The following PCDH15 variants were observed in gnomAD, a reference collection of about 807,000 sequenced individuals.
PCDH15 encodes the protein protocadherin-15.
A neutral mutation model predicts 178.5 loss-of-function variants in PCDH15; 129 were observed. The observed-to-expected ratio is 0.72, with a 90% confidence interval of 0.63 to 0.84. The LOEUF is 0.84. Among genes scored for constraint, PCDH15 ranks in the 40% least tolerant of loss-of-function variants. PCDH15 has a pLI of 0.00. For synonymous variants in PCDH15, 800 were observed against 732.0 expected (o/e 1.09, Z -1.50); for missense variants, 2,230 against 2,099.9 (o/e 1.06, Z -1.21).
At chr10:54,128,273 C>T (rs1192234289) in intron 15 of PCDH15, among the ~76,000 whole-genome samples, 3 of 152,108 alleles carry the variant, frequency 2.0e-5, no homozygotes, top group South Asian at 4.1e-4. Context: ...ATGCATACCT[C>T]TCTTCTTCAC....
intron 2 of PCDH15, among the ~76,000 whole-genome samples, chr10:55,083,137 T>TG (rs1353512546): frequency 4.6e-5 from 7 of 151,176 alleles, no homozygotes; most frequent in Non-Finnish European, 1.0e-4. Flanking sequence ...TGAATATTGA[T>TG]GAAAAAATTT....
At chr10:54,465,503 T>C (rs2077458739) in intron 3 of PCDH15, among the ~76,000 whole-genome samples, 1 of 152,090 alleles carries the variant, frequency 6.6e-6, no homozygotes, top group African/African-American at 2.4e-5. Context: ...TAATTGTTTC[T>C]GTGCCTGATT....
Position 54,241,732 on chromosome 10 carries a change from CCTGT to C in PCDH15, c.877-4805_877-4802del, listed in dbSNP as rs1443220211. ...TGTTTGAACTGTCAGAGCTACATTC[CCTGT>C]CTTAGTCATGGGGACACATAAGTAA... On this transcript the variant is annotated intron_variant, in intron 8 of 37. Transcript: ENST00000644397. 2.0e-5 allele frequency among the ~76,000 whole-genome samples: 3 copies of C among 152,042 alleles called. No homozygotes were observed. In the South Asian group the frequency reaches 6.2e-4, roughly 32 times the overall value.
chr10:54,812,871 C>G (rs1006859913), intron 3 of PCDH15, among the ~76,000 whole-genome samples: 1 of 152,158 alleles, frequency 6.6e-6, no homozygotes, highest in South Asian at 2.1e-4. Flanking sequence ...AGTGCTTCCT[C>G]TCTTTAAATA....
At chr10:55,446,982 G>C (rs929270359) in intron 2 of PCDH15, among the ~76,000 whole-genome samples, 1 of 151,982 alleles carries the variant, frequency 6.6e-6, no homozygotes, top group South Asian at 2.1e-4. Context: ...CAGAAATACA[G>C]AGAGACAGAT....
intron 2 of PCDH15, among the ~76,000 whole-genome samples, chr10:55,030,120 A>G (rs145604164): frequency 2.0e-5 from 3 of 152,204 alleles, no homozygotes; most frequent in East Asian, 1.9e-4. Context: ...TTTTGGACAC[A>G]TAGAAATTAA....
intron 3 of PCDH15, among the ~76,000 whole-genome samples, chr10:54,491,320 GAAAGA>G (rs1384085605): frequency 2.6e-5 from 3 of 115,984 alleles, no homozygotes; most frequent in Non-Finnish European, 5.5e-5. Context: ...AAAAAAAAAA[GAAAGA>G]AAAGTTAAAA....
At chr10:55,094,926 A>ATTTT in intron 2 of PCDH15, among the ~76,000 whole-genome samples, 1 of 129,238 alleles carries the variant, frequency 7.7e-6, no homozygotes, top group East Asian at 2.4e-4. Context: ...CTATATCCAA[A>ATTTT]TTCTTTTTTT....
intron 8 of PCDH15, among the ~76,000 whole-genome samples, chr10:54,252,026 G>A (rs901692210): frequency 3.3e-5 from 5 of 152,000 alleles, no homozygotes; most frequent in African/African-American, 9.7e-5. Flanking sequence ...AATCTTTCAA[G>A]GGATTCAAGT....
chr10:55,552,823 T>G (rs906288245), intron 2 of PCDH15, among the ~76,000 whole-genome samples: 9 of 151,516 alleles, frequency 5.9e-5, no homozygotes, highest in African/African-American at 1.9e-4. Context: ...AGCAAATCAT[T>G]TTTTGCCCCA....
chr10:54,122,978 T>C (rs1452058743), intron 15 of PCDH15, among the ~76,000 whole-genome samples: 11 of 151,936 alleles, frequency 7.2e-5, no homozygotes, highest in Admixed American at 3.9e-4. Context: ...TGCAGAAGAA[T>C]GAAACTGGAT....
At chr10:54,029,671 G>T (rs1565065940) in intron 18 of PCDH15, among the ~76,000 whole-genome samples, 1 of 152,160 alleles carries the variant, frequency 6.6e-6, no homozygotes, top group Non-Finnish European at 1.5e-5. Context: ...TTGAACCAAA[G>T]TTTTTTGTAT....
chr10:54,880,315 T>C (rs1441137826), intron 3 of PCDH15, among the ~76,000 whole-genome samples: 1 of 152,108 alleles, frequency 6.6e-6, no homozygotes, highest in Admixed American at 6.6e-5. Context: ...CACAAATCTG[T>C]CTGCATAAAA....
intron 2 of PCDH15, among the ~76,000 whole-genome samples, chr10:55,463,302 C>G (rs1269055796): frequency 1.3e-5 from 2 of 151,884 alleles, no homozygotes; most frequent in African/African-American, 4.8e-5. Context: ...GTATATCATC[C>G]TGTAGATATT....
At chr10:55,359,384 A>G (rs1257761295) in intron 2 of PCDH15, among the ~76,000 whole-genome samples, 1 of 151,954 alleles carries the variant, frequency 6.6e-6, no homozygotes, top group African/African-American at 2.4e-5. Flanking sequence ...GAAATTCTTA[A>G]GACAGTTATG....
At chr10:54,276,099 C>A (rs1176731000) in intron 8 of PCDH15, among the ~76,000 whole-genome samples, 2 of 151,462 alleles carry the variant, frequency 1.3e-5, no homozygotes, top group Non-Finnish European at 3.0e-5. Context: ...AAAAAGACTT[C>A]TTTAAAAAGA....
Position 54,840,191 on chromosome 10 carries a change from T to G in PCDH15, c.-29+57259A>C, listed in dbSNP as rs1662979104. Among the ~76,000 whole-genome samples the G allele has an allele frequency of 2.0e-5, 3 of 152,154 alleles. No homozygotes were observed. The South Asian group carries it at 6.2e-4, about 32-fold the overall frequency. On this transcript the variant is annotated intron_variant, in intron 3 of 5. Transcript: ENST00000458638. ...ACTATAATGACCGAGCATGAATCAG[T>G]TTTACCTCTAGTTGAAAATTTAAAA...
At chr10:54,075,973 T>TA (rs1329551066) in intron 17 of PCDH15, among the ~76,000 whole-genome samples, 2 of 152,128 alleles carry the variant, frequency 1.3e-5, no homozygotes, top group Admixed American at 1.3e-4. Context: ...TTTGTTTTTT[T>TA]AAAAAAATTA....
In PCDH15 at chr10:54,686,041, A is replaced by ATTTT. The variant is rs66539612; in HGVS notation, c.-28-21755_-28-21752dup. On this transcript the variant is annotated intron_variant, in intron 1 of 37. Transcript: ENST00000644397. ...CAAATCCAAGGGAGCAAGACAGCCA[A>ATTTT]TTTTTTTTTTTTTTTTTTGTATTTT... is the stretch of plus-strand genomic sequence containing the variant. Among the ~76,000 whole-genome samples, 64 of 126,870 alleles carry ATTTT rather than the reference A, an allele frequency of 5.0e-4. 1 individual carries two copies. Among genetic ancestry groups the ATTTT allele is most frequent in the African/African-American group, 1.6e-3 (56 of 34,230 alleles). The allele number at this position is 126,870 out of a possible 152,430, so 83.2% of individuals were successfully genotyped here.
Sources: allele counts gnomAD v4.1 joint callset (sites outside exome capture counted in the v4.1 genomes callset), GRCh38; gene constraint gnomAD v4.1.1; transcripts MANE v1.5; gene names NCBI Gene and HGNC (gene_info 2026-07-23, HGNC 2026-07-21).